Variants in OPCML observed in about 807,000 individuals in gnomAD.
OPCML encodes opioid-binding protein/cell adhesion molecule.
In OPCML, 13 loss-of-function variants were observed where a neutral mutation model predicts 37.8. The observed-to-expected ratio is 0.34, with a 90% CI of 0.22 to 0.55. OPCML has a LOEUF of 0.55. Among genes scored for constraint, OPCML ranks in the 20% least tolerant of loss-of-function variants. The pLI, the probability that OPCML is intolerant of heterozygous loss-of-function variation, is 0.91. For missense variants in OPCML, 341 were observed against 435.6 expected, an observed-to-expected ratio of 0.78 and a Z score of 1.93; for synonymous variants, 176 against 168.8, an observed-to-expected ratio of 1.04 and a Z score of -0.33.
intron 2 of OPCML, among the ~76,000 whole-genome samples, chr11:132,778,584 C>T (rs1946885925): frequency 6.6e-6 from 1 of 152,204 alleles, no homozygotes; most frequent in Non-Finnish European, 1.5e-5. Context: ...TTTGCAGTCT[C>T]ATTCTAGTAA....
chr11:132,547,300 G>A (rs1427015644), intron 3 of OPCML, among the ~76,000 whole-genome samples: 2 of 152,154 alleles, frequency 1.3e-5, no homozygotes, highest in Non-Finnish European at 2.9e-5. Flanking sequence ...TGAGGCATAG[G>A]CATTCATTGT....
intron 3 of OPCML, among the ~76,000 whole-genome samples, chr11:132,602,065 C>CAAGTGTTTACTGA (rs1937957746): frequency 6.6e-6 from 1 of 152,178 alleles, no homozygotes; most frequent in Non-Finnish European, 1.5e-5. Context: ...GACACTTCAG[C>CAAGTGTTTACTGA]ATTCACTATG....
In OPCML at chr11:133,091,057, A is replaced by G. The variant is rs149528586; in HGVS notation, c.62-148047T>C. Among the ~76,000 whole-genome samples the G allele has an allele frequency of 2.6e-4, 40 of 152,310 alleles. 1 individual carries two copies. The East Asian group carries it at 7.7e-3, about 29-fold the overall frequency. On this transcript the variant is annotated intron_variant, in intron 1 of 7. Transcript: ENST00000524381. The stretch of plus-strand genomic sequence containing the variant: ...TGTGGGACCTCAAACCTGAAGACCC[A>G]GGGATGACTAACATCTCTGTTTCTC...
At chr11:133,279,718 T>C (rs556076424) in intron 1 of OPCML, among the ~76,000 whole-genome samples, 7 of 152,282 alleles carry the variant, frequency 4.6e-5, no homozygotes, top group African/African-American at 1.7e-4. Flanking sequence ...TTGAAATATG[T>C]CTTCCCACAG....
Position 133,290,446 on chromosome 11 carries a change from G to C in OPCML, c.61+241818C>G, listed in dbSNP as rs543436434. On this transcript the variant is annotated intron_variant, in intron 1 of 7. Coordinates refer to ENST00000524381, the MANE Select transcript of OPCML (RefSeq NM_001012393.5). ...TCCAAGAGGTAATTTACTCTCCCCC[G>C]TAAGGACCATCAGAAAGAAAAGACT... is the stretch of plus-strand genomic sequence containing the variant. Among the ~76,000 whole-genome samples, 3 of 152,270 alleles carry C rather than the reference G, an allele frequency of 2.0e-5. No individual in the cohort carries two copies. The South Asian group carries it at 6.2e-4, about 32-fold the overall frequency.
intron 1 of OPCML, among the ~76,000 whole-genome samples, chr11:133,324,739 A>G (rs977185129): frequency 6.6e-6 from 1 of 152,190 alleles, no homozygotes; most frequent in African/African-American, 2.4e-5. Flanking sequence ...AGAATGTTTT[A>G]TTCTTCAAAA....
chr11:133,198,540 A>G (rs1286181218), intron 1 of OPCML, among the ~76,000 whole-genome samples: 2 of 152,244 alleles, frequency 1.3e-5, no homozygotes, highest in Non-Finnish European at 2.9e-5. Flanking sequence ...CACGATTGGG[A>G]ACTAGATGGA....
intron 1 of OPCML, among the ~76,000 whole-genome samples, chr11:133,473,838 G>A (rs530038750): frequency 3.9e-4 from 60 of 152,150 alleles, no homozygotes; most frequent in Non-Finnish European, 6.5e-4. Context: ...ACTAATAACC[G>A]GAAAAAGAAG....
chr11:133,229,606 T>A (rs1286851717), intron 1 of OPCML, among the ~76,000 whole-genome samples: 1 of 151,642 alleles, frequency 6.6e-6, no homozygotes, highest in East Asian at 1.9e-4. Flanking sequence ...ACAAAAAAAA[T>A]TGTATGCTGA....
At chr11:132,762,216 A>T (rs1182685102) in intron 2 of OPCML, among the ~76,000 whole-genome samples, 1 of 152,180 alleles carries the variant, frequency 6.6e-6, no homozygotes, top group East Asian at 1.9e-4. Flanking sequence ...CCAAGATGCC[A>T]GCTGGAGCTC....
intron 1 of OPCML, among the ~76,000 whole-genome samples, chr11:133,239,596 C>T (rs1033093007): frequency 2.0e-5 from 3 of 152,244 alleles, no homozygotes; most frequent in Admixed American, 6.5e-5. Context: ...ACACCCCACC[C>T]GCTGCCTGCC....
At chr11:132,831,632 G>T (rs1940694722) in intron 2 of OPCML, among the ~76,000 whole-genome samples, 1 of 151,886 alleles carries the variant, frequency 6.6e-6, no homozygotes, top group African/African-American at 2.4e-5. Flanking sequence ...TGGTAATAGG[G>T]CCAGGAATGA....
intron 3 of OPCML, among the ~76,000 whole-genome samples, chr11:132,549,620 G>T (rs1045395210): frequency 4.6e-5 from 7 of 152,180 alleles, no homozygotes; most frequent in African/African-American, 1.7e-4. Context: ...ACAAAGAGTA[G>T]CCTGTAAAGT....
chr11:132,714,164 A>G (rs1327764396), intron 2 of OPCML, among the ~76,000 whole-genome samples: 1 of 151,966 alleles, frequency 6.6e-6, no homozygotes, highest in East Asian at 1.9e-4. Context: ...CCAGCAAAAT[A>G]CTCTCTGCCT....
chr11:132,442,059 T>C (rs1309504396), intron 4 of OPCML, among the ~76,000 whole-genome samples: 1 of 152,182 alleles, frequency 6.6e-6, no homozygotes, highest in Non-Finnish European at 1.5e-5. Context: ...TCTGCTCACA[T>C]CCAGGATGAG....
intron 1 of OPCML, among the ~76,000 whole-genome samples, chr11:133,055,459 T>C (rs918619505): frequency 6.7e-6 from 1 of 149,562 alleles, no homozygotes; most frequent in Non-Finnish European, 1.5e-5. Context: ...TGAGACTTCA[T>C]GAGGGAGCCG....
chr11:132,714,029 C>T (rs777480244), intron 2 of OPCML, among the ~76,000 whole-genome samples: 38 of 151,698 alleles, frequency 2.5e-4, no homozygotes, highest in Non-Finnish European at 4.7e-4. Context: ...GATATTATTA[C>T]ATAAAAATTT....
At position 132,419,432 on chromosome 11, in the gene OPCML, T is replaced by A. The variant is rs2095949726; in HGVS notation, c.*761A>T. On this transcript the variant is annotated 3_prime_UTR_variant, in exon 8 of 8. Transcript: ENST00000524381. Reference sequence around the variant, plus strand: ...ATAAATCAGCCACCTATCAATCACGTTTATGAGTTGAACTTCTCTTTTTAA... The same window carrying A: ...ATAAATCAGCCACCTATCAATCACGATTATGAGTTGAACTTCTCTTTTTAA... 6.6e-6 allele frequency: 1 copy of A among 152,186 alleles called. No individual in the cohort carries two copies. The highest frequency in any genetic ancestry group is 1.5e-5 in the Non-Finnish European group (1 of 68,024). The allele number at this position is 152,186 out of a possible 1,614,324, so 9.4% of individuals were successfully genotyped here.
intron 1 of OPCML, among the ~76,000 whole-genome samples, chr11:133,484,419 G>C (rs1425648562): frequency 6.6e-6 from 1 of 152,098 alleles, no homozygotes; most frequent in Non-Finnish European, 1.5e-5. Flanking sequence ...ATACGAATTG[G>C]TAACTCAGAG....
Sources: allele counts gnomAD v4.1 joint callset (sites outside exome capture counted in the v4.1 genomes callset), GRCh38; gene constraint gnomAD v4.1.1; transcripts MANE v1.5; gene names NCBI Gene and HGNC (gene_info 2026-07-23, HGNC 2026-07-21).